Variants in NDUFAF6 observed in about 807,000 individuals in gnomAD.
NDUFAF6 encodes NADH:ubiquinone oxidoreductase complex assembly factor 6, also known as NADH dehydrogenase (ubiquinone) complex I, assembly factor 6.
Under a neutral mutation model 40.8 loss-of-function variants are expected in NDUFAF6, and 45 were observed. The ratio of observed to expected loss-of-function variants is 1.10; its 90% CI spans 0.87 to 1.42. The LOEUF (loss-of-function observed/expected upper bound fraction) is 1.42, where lower values mean the gene tolerates loss of function less well. Ranked by LOEUF, NDUFAF6 falls within the 40% of genes most tolerant of loss-of-function variation. The probability of loss-of-function intolerance (pLI) is 0.00; values close to 1 mark genes in which losing one functional copy is unlikely to be tolerated. For synonymous variants in NDUFAF6, 185 were observed against 155.9 expected (o/e 1.19, Z -1.39); for missense variants, 435 against 418.5 (o/e 1.04, Z -0.34).
chr8:94,995,453 T>A (rs1471434296), intron 2 of NDUFAF6, among the ~76,000 whole-genome samples: 1 of 152,124 alleles, frequency 6.6e-6, no homozygotes, highest in Non-Finnish European at 1.5e-5. Flanking sequence ...GTGTTGAGTG[T>A]TTGTAACCAC....
At chr8:94,923,934 C>T (rs1007201969) in intron 1 of NDUFAF6, among the ~76,000 whole-genome samples, 5 of 151,966 alleles carry the variant, frequency 3.3e-5, no homozygotes, top group African/African-American at 9.7e-5. Context: ...GTGATCCACC[C>T]GCCTTGGCCT....
At chr8:95,116,620 GAATT>G (rs1300243200), downstream of NDUFAF6, among the ~76,000 whole-genome samples, 14 of 152,138 alleles carry the variant, frequency 9.2e-5, no homozygotes, top group Non-Finnish European at 1.9e-4. Context: ...CAAAGTGCTG[GAATT>G]ACAGGTGTGA....
chr8:94,931,124 A>G (rs757779476), intron 1 of NDUFAF6, among the ~76,000 whole-genome samples: 2 of 152,254 alleles, frequency 1.3e-5, no homozygotes, highest in African/African-American at 2.4e-5. Flanking sequence ...TAATCTTAAA[A>G]GGAAAATATT....
At position 95,007,697 on chromosome 8, in the gene NDUFAF6, TA is replaced by T. The variant is rs538678263; in HGVS notation, c.-83-24295del. On this transcript the variant is annotated intron_variant, in intron 2 of 9. Transcript: ENST00000396111. ...TTTTTTTTTTTAATCTGTGGTATAC[TA>T]AAGATCATGTAGTTTAGTCATGGAT... 2.2e-3 allele frequency among the ~76,000 whole-genome samples: 320 copies of T among 142,418 alleles called. 4 individuals are homozygous for T. The highest frequency in any genetic ancestry group is 7.8e-3 in the African/African-American group (303 of 38,864). 93.4% of individuals were successfully genotyped at this position (142,418 alleles called of 152,430 possible). A position where few individuals can be genotyped will look rare whatever the true frequency, so the allele number is the denominator to read the frequency against.
intron 1 of NDUFAF6, among the ~76,000 whole-genome samples, chr8:94,977,391 G>A (rs1319215968): frequency 6.6e-6 from 1 of 151,722 alleles, no homozygotes; most frequent in East Asian, 1.9e-4. Flanking sequence ...GCACACAACT[G>A]TAGCCCTAGT....
At chr8:95,065,053 C>G (rs970684163) in intron 9 of NDUFAF6, among the ~76,000 whole-genome samples, 2 of 152,044 alleles carry the variant, frequency 1.3e-5, no homozygotes, top group Non-Finnish European at 2.9e-5. Flanking sequence ...AGCTTCATGC[C>G]CCTTCCCCCA....
rs549122160 is a variant in NDUFAF6, at chr8:95,046,448, G to C, written c.581-546G>C. ...TTCTCTGACTTTGTTGCCAGTTAGT[G>C]AGGTCTTATTGAAATAAGGAAATTA... On this transcript the variant is annotated intron_variant, in intron 5 of 8. Transcript: ENST00000396124. Among the ~76,000 whole-genome samples, 4 of 152,270 alleles carry C rather than the reference G, an allele frequency of 2.6e-5. No homozygotes were observed. The South Asian group carries it at 8.3e-4, about 32-fold the overall frequency.
intron 1 of NDUFAF6, among the ~76,000 whole-genome samples, chr8:94,909,264 G>A (rs1461539604): frequency 6.9e-6 from 1 of 143,936 alleles, no homozygotes; most frequent in Non-Finnish European, 1.5e-5. Context: ...CAGGAGAATA[G>A]CTTGAACCTG....
Position 94,980,442 on chromosome 8 carries a change from G to GTTT in NDUFAF6, c.-198-399_-198-397dup, listed in dbSNP as rs869184585. Reference sequence around the variant, plus strand: ...TAACACTGTCAACTGTGGTTTTTTTGTTTTTTTTTTTTTTTTTTTTGAGAC... The same window carrying GTTT: ...TAACACTGTCAACTGTGGTTTTTTTGTTTTTTTTTTTTTTTTTTTTTTTGAGAC... On this transcript the variant is annotated intron_variant, in intron 1 of 9. Coordinates refer to the NDUFAF6 transcript ENST00000396111. 1.1e-3 allele frequency among the ~76,000 whole-genome samples: 117 copies of GTTT among 107,918 alleles called. 1 individual carries two copies. The highest frequency in any genetic ancestry group is 2.9e-3 in the African/African-American group (80 of 27,646). 70.8% of individuals were successfully genotyped at this position (107,918 alleles called of 152,430 possible). A position where few individuals can be genotyped will look rare whatever the true frequency, so the allele number is the denominator to read the frequency against.
rs1249953327 is a variant in NDUFAF6, at chr8:95,112,621, C to T, written n.345-2915C>T. Among the ~76,000 whole-genome samples, 4 of 152,280 alleles carry T rather than the reference C, an allele frequency of 2.6e-5. No individual in the cohort carries two copies. The East Asian group carries it at 7.7e-4, about 29-fold the overall frequency. ...CACAGGAAACCAACACAACAATCTT[C>T]CCTACACTCCTCTGTTACACCATAA... is the stretch of plus-strand genomic sequence containing the variant. On this transcript the variant is annotated intron_variant and non_coding_transcript_variant, in intron 4 of 5. Coordinates refer to the NDUFAF6 transcript ENST00000523184.
exon 10 of NDUFAF6, chr8:95,076,024 AT>A (rs1199749583): frequency 4.7e-6 from 1 of 211,750 alleles, no homozygotes; most frequent in East Asian, 1.2e-4. Flanking sequence ...TCTCCTAGAA[AT>A]TGCCCTGGTT....
At chr8:95,075,069 G>T (rs538074021) in intron 9 of NDUFAF6, among the ~76,000 whole-genome samples, 1 of 152,220 alleles carries the variant, frequency 6.6e-6, no homozygotes, top group African/African-American at 2.4e-5. Context: ...GTCAACAACG[G>T]CCCAGACTTG....
At chr8:95,084,792 AC>A (rs1488381238) in intron 2 of NDUFAF6, among the ~76,000 whole-genome samples, 1 of 152,242 alleles carries the variant, frequency 6.6e-6, no homozygotes, top group Non-Finnish European at 1.5e-5. Context: ...ACACTTGGGT[AC>A]CTGTCGTAGG....
At chr8:95,106,884 A>T (rs1178259610), downstream of NDUFAF6, among the ~76,000 whole-genome samples, 1 of 152,240 alleles carries the variant, frequency 6.6e-6, no homozygotes, top group Non-Finnish European at 1.5e-5. Flanking sequence ...TATGAAAAAA[A>T]GTTCATCAAC....
intron 4 of NDUFAF6, among the ~76,000 whole-genome samples, chr8:95,108,738 T>C (rs773281528): frequency 3.9e-5 from 6 of 152,180 alleles, no homozygotes; most frequent in Non-Finnish European, 8.8e-5. Context: ...TGTGCTTTGC[T>C]GGTGGGATGT....
intron 1 of NDUFAF6, among the ~76,000 whole-genome samples, chr8:94,925,801 A>G (rs1819836725): frequency 6.6e-6 from 1 of 152,236 alleles, no homozygotes; most frequent in Non-Finnish European, 1.5e-5. Flanking sequence ...TGGCCTTCCA[A>G]ATTGCTGGGA....
chr8:94,902,887 C>T (rs1818120228), intron 1 of NDUFAF6, among the ~76,000 whole-genome samples: 1 of 151,820 alleles, frequency 6.6e-6, no homozygotes, highest in Non-Finnish European at 1.5e-5. Context: ...GTAGAGACTA[C>T]TAAATGACGT....
At position 95,047,027 on chromosome 8, in the gene NDUFAF6, GT is replaced by G; in HGVS notation, c.615del (p.His206IlefsTer12). 1 of 1,614,168 alleles carries G rather than the reference GT, an allele frequency of 6.2e-7. No homozygotes were observed. The highest frequency in any genetic ancestry group is 8.5e-7 in the Non-Finnish European group (1 of 1,180,026). On this transcript the variant is annotated frameshift_variant, in exon 6 of 9. Coordinates refer to ENST00000396124, the MANE Select transcript of NDUFAF6 (RefSeq NM_152416.4). LOFTEE classifies it high-confidence loss of function. The part of the protein sequence containing the change: ...IKDLHADHAA[S>X]HIGKAQGIVT... ...GATCTTCATGCAGATCATGCTGCAA[GT>G]CATATTGGAAAAGCACAAGGCATTG... is the stretch of plus-strand genomic sequence containing the variant.
chr8:95,073,847 C>G lies in NDUFAF6; in HGVS notation c.*512-1786C>G, dbSNP rs10216590. On this transcript the variant is annotated intron_variant and NMD_transcript_variant, in intron 9 of 9. Coordinates refer to the NDUFAF6 transcript ENST00000520757. ...TTTAAAACCTGCCAACCAATCCCAA[C>G]CTGATGTCCTAATTTGAATCCTGAT... 2.8e-3 allele frequency among the ~76,000 whole-genome samples: 433 copies of G among 152,244 alleles called. 2 individuals are homozygous for G. Among genetic ancestry groups the G allele is most frequent in the African/African-American group, 9.8e-3 (408 of 41,542 alleles).
Sources: gnomAD v4.1 joint callset for allele counts (sites outside exome capture counted in the v4.1 genomes callset) on GRCh38, gnomAD v4.1.1 for gene constraint, MANE v1.5 for transcripts, NCBI Gene and HGNC (gene_info 2026-07-23, HGNC 2026-07-21) for gene names.